The following PTPRT variants were observed in gnomAD, a reference collection of about 807,000 sequenced individuals.
PTPRT encodes receptor-type tyrosine-protein phosphatase T.
In PTPRT, 56 loss-of-function variants were observed where a neutral mutation model predicts 176.8. The ratio of observed to expected loss-of-function variants is 0.32; its 90% CI spans 0.26 to 0.40. The LOEUF (loss-of-function observed/expected upper bound fraction) is 0.40. Ranked by LOEUF, PTPRT falls within the 10% of genes least tolerant of loss-of-function variation. The pLI is 1.00. For missense variants in PTPRT, 1,540 were observed against 1,908.2 expected, an observed-to-expected ratio of 0.81 and a Z score of 3.60; for synonymous variants, 783 against 739.0, an observed-to-expected ratio of 1.06 and a Z score of -0.96.
At chr20:42,880,681 G>A (rs1313928192) in intron 2 of PTPRT, among the ~76,000 whole-genome samples, 1 of 152,182 alleles carries the variant, frequency 6.6e-6, no homozygotes. Flanking sequence ...TAGTTCCATA[G>A]GCAGGATAGA....
intron 1 of PTPRT, among the ~76,000 whole-genome samples, chr20:43,166,875 C>G (rs768555491): frequency 6.6e-6 from 1 of 152,152 alleles, no homozygotes; most frequent in Non-Finnish European, 1.5e-5. Context: ...ATCAATTCTG[C>G]CCTATATGAG....
chr20:42,032,963 G>T, the PTPRT span, among the ~76,000 whole-genome samples: 2 of 152,168 alleles, frequency 1.3e-5, no homozygotes, highest in Non-Finnish European at 2.9e-5. Flanking sequence ...GAAGAGGGTA[G>T]ATCTCACTGA....
chr20:42,872,449 T>G (rs1263508312), intron 2 of PTPRT, among the ~76,000 whole-genome samples: 1 of 152,232 alleles, frequency 6.6e-6, no homozygotes, highest in Admixed American at 6.5e-5. Context: ...TGTGAAGGTC[T>G]GGGCTCTCAG....
At chr20:43,075,690 A>T (rs1213066911) in intron 1 of PTPRT, among the ~76,000 whole-genome samples, 1 of 152,246 alleles carries the variant, frequency 6.6e-6, no homozygotes, top group Non-Finnish European at 1.5e-5. Context: ...ACTAACCTAC[A>T]GCTATGTTGT....
chr20:42,084,816 G>A lies in PTPRT; in HGVS notation c.4002C>T (p.His1334=), dbSNP rs779266048. Residue 1334 remains histidine (H), a synonymous_variant, in exon 29 of 31, where the codon CAC becomes CAT. Coordinates refer to ENST00000373187, the MANE Select transcript of PTPRT (RefSeq NM_007050.6). ...AGGCAGGCCAGCCAATGTACTGGAG[G>A]TGCTGGACTATACGATAACCATCCT... is the stretch of plus-strand genomic sequence containing the variant. ...RPQDGYRIVQ[H]LQYIGWPAYR... is the part of the protein sequence containing the mutation. 4 of 1,510,592 alleles carry A rather than the reference G, an allele frequency of 2.6e-6. No individual in the cohort carries two copies. The highest frequency in any genetic ancestry group is 3.6e-6 in the Non-Finnish European group (4 of 1,120,696). 93.6% of individuals were successfully genotyped at this position (1,510,592 alleles called of 1,614,324 possible). A position where few individuals can be genotyped will look rare whatever the true frequency, so the allele number is the denominator to read the frequency against.
chr20:43,181,481 A>C (rs897618878), intron 1 of PTPRT, among the ~76,000 whole-genome samples: 18 of 152,188 alleles, frequency 1.2e-4, no homozygotes, highest in African/African-American at 4.1e-4. Context: ...GGCCAATTCC[A>C]AGATGCTAAA....
intron 25 of PTPRT, among the ~76,000 whole-genome samples, chr20:42,103,268 T>G (rs186701902): frequency 1.3e-5 from 2 of 152,296 alleles, no homozygotes; most frequent in East Asian, 1.9e-4. Context: ...CAGGTGTGGA[T>G]CTGGTATACC....
At chr20:42,251,388 T>C (rs1187017310) in intron 13 of PTPRT, among the ~76,000 whole-genome samples, 1 of 152,144 alleles carries the variant, frequency 6.6e-6, no homozygotes, top group Non-Finnish European at 1.5e-5. Context: ...CATTTGGTGA[T>C]ACAGTGGTGA....
At chr20:42,483,703 T>A (rs907840298) in intron 7 of PTPRT, among the ~76,000 whole-genome samples, 1 of 152,248 alleles carries the variant, frequency 6.6e-6, no homozygotes, top group African/African-American at 2.4e-5. Flanking sequence ...GCCTATTGAC[T>A]GAGGTCATGG....
At position 42,401,656 on chromosome 20, in the gene PTPRT, G is replaced by A. The variant is rs990903604; in HGVS notation, c.1560+46564C>T. 3.3e-5 allele frequency among the ~76,000 whole-genome samples: 5 copies of A among 152,056 alleles called. No homozygotes were observed. In the South Asian group the frequency reaches 6.2e-4, roughly 19 times the overall value. On this transcript the variant is annotated intron_variant, in intron 9 of 30. Transcript: ENST00000373187. ...TGTGAACTTAGACATTGTTCTCTCC[G>A]AGCCCCAATCCCCTCCTTTAGGAAA... is the stretch of plus-strand genomic sequence containing the variant.
intron 2 of PTPRT, among the ~76,000 whole-genome samples, chr20:42,796,337 A>T (rs1254570445): frequency 6.8e-6 from 1 of 146,744 alleles, no homozygotes; most frequent in Non-Finnish European, 1.5e-5. Flanking sequence ...TGTAGAATAC[A>T]TCCATTGTCA....
chr20:42,740,195 C>A (rs975481826), intron 6 of PTPRT, among the ~76,000 whole-genome samples: 9 of 152,306 alleles, frequency 5.9e-5, no homozygotes, highest in African/African-American at 2.2e-4. Flanking sequence ...TGGCCCCCAA[C>A]TTATCCCATC....
intron 9 of PTPRT, among the ~76,000 whole-genome samples, chr20:42,421,320 G>T (rs1381626103): frequency 6.6e-6 from 1 of 151,118 alleles, no homozygotes; most frequent in Admixed American, 6.6e-5. Context: ...GTTGCCAAGT[G>T]CAGCAGGTTG....
chr20:43,064,696 G>A (rs924081830), intron 1 of PTPRT, among the ~76,000 whole-genome samples: 2 of 152,160 alleles, frequency 1.3e-5, no homozygotes, highest in Admixed American at 1.3e-4. Context: ...GAGCTGACAG[G>A]AGCTGGCTGA....
At chr20:42,778,191 G>A (rs2145490123) in intron 4 of PTPRT, among the ~76,000 whole-genome samples, 1 of 152,286 alleles carries the variant, frequency 6.6e-6, no homozygotes, top group Middle Eastern at 3.4e-3. Flanking sequence ...TCATTCCAGT[G>A]CCCTCCAAAG....
intron 5 of PTPRT, among the ~76,000 whole-genome samples, chr20:42,758,965 T>G (rs1205195913): frequency 6.6e-6 from 1 of 152,198 alleles, no homozygotes; most frequent in Non-Finnish European, 1.5e-5. Flanking sequence ...GACCCCACTA[T>G]GAGAACCTAG....
chr20:42,305,421 A>T (rs1216490567), intron 12 of PTPRT, among the ~76,000 whole-genome samples: 1 of 151,962 alleles, frequency 6.6e-6, no homozygotes, highest in Non-Finnish European at 1.5e-5. Flanking sequence ...ATATATACAC[A>T]TACATCTATA....
intron 2 of PTPRT, among the ~76,000 whole-genome samples, chr20:42,815,568 A>T (rs1302198009): frequency 6.6e-6 from 1 of 152,214 alleles, no homozygotes; most frequent in African/African-American, 2.4e-5. Context: ...GCACCTTAGG[A>T]GGTTCATCCA....
chr20:42,659,684 T>C (rs151048897), intron 7 of PTPRT, among the ~76,000 whole-genome samples: 33 of 152,340 alleles, frequency 2.2e-4, no homozygotes, highest in Admixed American at 8.5e-4. Flanking sequence ...GGTTATGTTA[T>C]TGACTTCTTC....
Sources: gnomAD v4.1 joint callset for allele counts (sites outside exome capture counted in the v4.1 genomes callset) on GRCh38, gnomAD v4.1.1 for gene constraint, MANE v1.5 for transcripts, NCBI Gene and HGNC (gene_info 2026-07-23, HGNC 2026-07-21) for gene names.